The following PPP2R3A variants were observed in gnomAD, a reference collection of about 807,000 sequenced individuals.
The protein encoded by PPP2R3A is serine/threonine-protein phosphatase 2A regulatory subunit B'' subunit alpha.
A neutral mutation model predicts 106.9 loss-of-function variants in PPP2R3A; 80 were observed. That is an observed-to-expected ratio of 0.75 (90% CI 0.62 to 0.90). The LOEUF (loss-of-function observed/expected upper bound fraction) is 0.90. Among genes scored for constraint, PPP2R3A ranks in the 40% least tolerant of loss-of-function variants. The probability of loss-of-function intolerance (pLI) is 0.00; values close to 1 mark genes in which losing one functional copy is unlikely to be tolerated. For missense variants in PPP2R3A, 1,386 were observed against 1,350.4 expected, an observed-to-expected ratio of 1.03 and a Z score of -0.41; for synonymous variants, 483 against 468.3, an observed-to-expected ratio of 1.03 and a Z score of -0.41.
chr3:136,036,296 T>A (rs1401212122), intron 3 of PPP2R3A, among the ~76,000 whole-genome samples: 1 of 152,146 alleles, frequency 6.6e-6, no homozygotes, highest in Non-Finnish European at 1.5e-5. Context: ...AAGAACATTG[T>A]TTTGTCATAT....
chr3:136,004,575 T>C lies in PPP2R3A; in HGVS notation c.1995+1082T>C, dbSNP rs140768780. ...TTAAGCACTGCCCCTACCACATGAA[T>C]GAGCTATATGTATCAACATGTATGA... On this transcript the variant is annotated intron_variant, in intron 2 of 13. Transcript: ENST00000264977. Among the ~76,000 whole-genome samples, 299 of 152,344 alleles carry C rather than the reference T, an allele frequency of 2.0e-3. 1 individual carries two copies. Among genetic ancestry groups the C allele is most frequent in the Middle Eastern group, 6.8e-3 (2 of 294 alleles).
intron 13 of PPP2R3A, among the ~76,000 whole-genome samples, chr3:136,113,718 C>T (rs1293700408): frequency 6.6e-6 from 1 of 151,714 alleles, no homozygotes; most frequent in Non-Finnish European, 1.5e-5. Context: ...GCACTTGAAC[C>T]TGGGAAGTGA....
chr3:136,103,103 C>G (rs553933331), intron 11 of PPP2R3A, among the ~76,000 whole-genome samples, 155 bp from the exon 12 acceptor site: 138 of 151,858 alleles, frequency 9.1e-4, no homozygotes, highest in African/African-American at 3.1e-3. Context: ...AAATTGATAC[C>G]CTTGAAAAAA....
At chr3:136,068,826 T>G (rs1331309335) in intron 5 of PPP2R3A, among the ~76,000 whole-genome samples, 1 of 152,144 alleles carries the variant, frequency 6.6e-6, no homozygotes, top group Non-Finnish European at 1.5e-5. Context: ...AAAGTTAACA[T>G]CACCAAATGA....
chr3:136,097,887 A>C (rs1293527161), intron 10 of PPP2R3A, among the ~76,000 whole-genome samples: 1 of 152,122 alleles, frequency 6.6e-6, no homozygotes, highest in African/African-American at 2.4e-5. Context: ...TGCTTATGAG[A>C]TGTAACTCTT....
chr3:136,127,093 C>G (rs1938209546), intron 13 of PPP2R3A, among the ~76,000 whole-genome samples: 1 of 152,186 alleles, frequency 6.6e-6, no homozygotes, highest in South Asian at 2.1e-4. Context: ...TTCTACAAAT[C>G]AGAGCACCTC....
intron 10 of PPP2R3A, among the ~76,000 whole-genome samples, chr3:136,095,559 C>T (rs1041987870): frequency 1.4e-4 from 21 of 152,148 alleles, no homozygotes; most frequent in African/African-American, 5.1e-4. Context: ...TCTCCCAAAC[C>T]TGGACTCTAC....
chr3:136,030,138 AGCTCAG>A (rs1264350756), intron 3 of PPP2R3A, among the ~76,000 whole-genome samples: 1 of 151,938 alleles, frequency 6.6e-6, no homozygotes, highest in Admixed American at 6.6e-5. Context: ...AGATCACCTG[AGCTCAG>A]GAGGTTGAGG....
intron 2 of PPP2R3A, chr3:136,023,215 GTGTTTTGTTTTGTTT>G (rs3830602): frequency 1.0e-5 from 15 of 1,505,816 alleles, no homozygotes; most frequent in South Asian, 2.4e-5. Flanking sequence ...TGAAATTTGG[GTGTTTTGTTTTGTTT>G]TGTTTTGTTT....
rs138350734 is a variant in PPP2R3A, at chr3:136,088,903, C to T, written c.2837+972C>T. On this transcript the variant is annotated intron_variant, in intron 9 of 13. Coordinates refer to ENST00000264977, the MANE Select transcript of PPP2R3A (RefSeq NM_002718.5). ...TGTATGTCTTCTTTTGAGAAGTGTC[C>T]GTTCATGTCCTTTGCCCATTTTTAA... 1.1e-4 allele frequency among the ~76,000 whole-genome samples: 16 copies of T among 151,966 alleles called. No homozygotes were observed. The East Asian group carries it at 2.9e-3, about 28-fold the overall frequency.
Position 136,106,211 on chromosome 3 carries a change from A to G in PPP2R3A, c.3223-5A>G, listed in dbSNP as rs751634360. The stretch of plus-strand genomic sequence containing the variant: ...ATTTCTCGTGGCTGTCTTCTTTCCA[A>G]TCAGGATGTTGAGAACGATGGGCCT... On this transcript the variant is annotated splice_polypyrimidine_tract_variant and splice_region_variant and intron_variant, in intron 12 of 13. Coordinates refer to ENST00000264977, the MANE Select transcript of PPP2R3A (RefSeq NM_002718.5). The G allele has an allele frequency of 2.2e-5, 36 of 1,603,392 alleles. No individual in the cohort carries two copies. Among genetic ancestry groups the G allele is most frequent in the Non-Finnish European group, 1.4e-5 (16 of 1,177,242 alleles).
chr3:136,038,039 G>A (rs1404214270), intron 3 of PPP2R3A, among the ~76,000 whole-genome samples: 1 of 151,500 alleles, frequency 6.6e-6, no homozygotes, highest in East Asian at 1.9e-4. Context: ...CTATTTTCTT[G>A]CCTTCAGATT....
At chr3:135,974,745 A>G (rs1004257862) in intron 1 of PPP2R3A, among the ~76,000 whole-genome samples, 1 of 152,204 alleles carries the variant, frequency 6.6e-6, no homozygotes, top group Non-Finnish European at 1.5e-5. Flanking sequence ...ACTGAGCACT[A>G]AGGCTATCCC....
intron 1 of PPP2R3A, among the ~76,000 whole-genome samples, chr3:135,978,583 A>G (rs1937484311): frequency 2.0e-5 from 3 of 151,476 alleles, no homozygotes; most frequent in Admixed American, 6.6e-5. Flanking sequence ...GGGTGATTCT[A>G]TCCAGTTTGG....
chr3:135,998,175 T>G (rs1292616086), intron 1 of PPP2R3A, among the ~76,000 whole-genome samples: 1 of 152,264 alleles, frequency 6.6e-6, no homozygotes, highest in Non-Finnish European at 1.5e-5. Flanking sequence ...TGCAGTGTTC[T>G]GCCTCTCTGC....
chr3:136,122,797 C>T (rs544267691), intron 13 of PPP2R3A, among the ~76,000 whole-genome samples: 1 of 152,302 alleles, frequency 6.6e-6, no homozygotes, highest in South Asian at 2.1e-4. Flanking sequence ...ATTGTCAAAT[C>T]TCTCAATGTA....
intron 13 of PPP2R3A, among the ~76,000 whole-genome samples, chr3:136,112,994 G>A (rs1321113745): frequency 6.6e-6 from 1 of 152,056 alleles, no homozygotes; most frequent in Non-Finnish European, 1.5e-5. Flanking sequence ...TGAGCCAGGT[G>A]TGGTGGCAGA....
At chr3:136,078,247 TTAACA>T (rs1405420762) in intron 6 of PPP2R3A, 115 bp from the exon 7 acceptor site, 5 of 711,038 alleles carry the variant, frequency 7.0e-6, no homozygotes, top group Non-Finnish European at 7.4e-6. Context: ...GGAATTACAC[TTAACA>T]TAATCAAAAA....
chr3:136,094,794 C>T (rs986883952), intron 10 of PPP2R3A, among the ~76,000 whole-genome samples: 2 of 152,172 alleles, frequency 1.3e-5, no homozygotes, highest in Non-Finnish European at 2.9e-5. Context: ...TTCTTACAGT[C>T]ATTTGAAGAA....
Sources: gnomAD v4.1 joint callset for allele counts (sites outside exome capture counted in the v4.1 genomes callset) on GRCh38, gnomAD v4.1.1 for gene constraint, MANE v1.5 for transcripts, NCBI Gene and HGNC (gene_info 2026-07-23, HGNC 2026-07-21) for gene names.